Variants in LRP1B observed in about 807,000 individuals in gnomAD.
LRP1B encodes the protein LDL receptor related protein 1B.
Under a neutral mutation model 556.6 loss-of-function variants are expected in LRP1B, and 217 were observed. The ratio of observed to expected loss-of-function variants is 0.39; its 90% confidence interval spans 0.35 to 0.44. The LOEUF is 0.44. Among genes scored for constraint, LRP1B ranks in the 20% least tolerant of loss-of-function variants. The pLI is 1.00. For missense variants in LRP1B, 5,053 were observed against 5,620.8 expected (o/e 0.90, Z 3.23); for synonymous variants, 2,047 against 1,865.8 (o/e 1.10, Z -2.50).
intron 82 of LRP1B, among the ~76,000 whole-genome samples, chr2:140,316,578 T>A (rs1226591888): frequency 1.3e-5 from 2 of 152,056 alleles, no homozygotes; most frequent in Non-Finnish European, 2.9e-5. Context: ...ATATAAAAAA[T>A]TACAGTGGTA....
chr2:140,442,285 C>A (rs1686462861), intron 66 of LRP1B, among the ~76,000 whole-genome samples: 1 of 152,100 alleles, frequency 6.6e-6, no homozygotes, highest in African/African-American at 2.4e-5. Context: ...TTATAAAGTT[C>A]TGGGTTATAT....
rs188615583 is a variant in LRP1B, at chr2:140,966,300, G to A, written c.2888-14360C>T. ...TGGTTTTGATTTGCATTTCTCTGAT[G>A]GCCAGTGATGAGCATTTTTTCACAT... On this transcript the variant is annotated intron_variant, in intron 18 of 90. Coordinates refer to ENST00000389484, the MANE Select transcript of LRP1B (RefSeq NM_018557.3). 4.5e-3 allele frequency among the ~76,000 whole-genome samples: 689 copies of A among 152,278 alleles called. 2 individuals carry two copies. Among genetic ancestry groups the A allele is most frequent in the South Asian group, 7.2e-3 (35 of 4,830 alleles).
chr2:140,306,272 C>T (rs1393667433), intron 83 of LRP1B, among the ~76,000 whole-genome samples: 1 of 151,962 alleles, frequency 6.6e-6, no homozygotes, highest in Non-Finnish European at 1.5e-5. Context: ...GGCTGTGAAT[C>T]TGTCTGGTCC....
At chr2:140,615,499 A>T (rs1360114151) in intron 41 of LRP1B, among the ~76,000 whole-genome samples, 2 of 152,086 alleles carry the variant, frequency 1.3e-5, no homozygotes, top group Non-Finnish European at 2.9e-5. Flanking sequence ...CTATCTGTGC[A>T]GTGGGCAAGA....
In LRP1B at chr2:140,748,591, GTA is replaced by G. The variant is rs70988428; in HGVS notation, c.5758+20620_5758+20621del. ...AAACATAGTTATACATATACAGTGT[GTA>G]TATATATATATATATATATATATAT... On this transcript the variant is annotated intron_variant, in intron 35 of 90. Coordinates refer to ENST00000389484, the MANE Select transcript of LRP1B (RefSeq NM_018557.3). Among the ~76,000 whole-genome samples the G allele has an allele frequency of 6.8e-3, 501 of 73,308 alleles. 5 individuals carry two copies. Among genetic ancestry groups the G allele is most frequent in the Middle Eastern group, 0.033 (3 of 90 alleles). The allele number at this position is 73,308 out of a possible 152,430, so 48.1% of individuals were successfully genotyped here.
chr2:140,562,558 C>T (rs546925303), intron 43 of LRP1B, among the ~76,000 whole-genome samples: 26 of 152,070 alleles, frequency 1.7e-4, no homozygotes, highest in Non-Finnish European at 3.1e-4. Context: ...TAATAATTTT[C>T]TCTCTATATT....
intron 3 of LRP1B, among the ~76,000 whole-genome samples, chr2:141,350,389 A>T (rs550366292): frequency 1.3e-5 from 2 of 152,164 alleles, no homozygotes; most frequent in South Asian, 4.1e-4. Flanking sequence ...AGTAACTAGG[A>T]ACCAGAAAGT....
At chr2:141,781,101 A>G (rs1695237268) in intron 2 of LRP1B, among the ~76,000 whole-genome samples, 1 of 152,152 alleles carries the variant, frequency 6.6e-6, no homozygotes, top group African/African-American at 2.4e-5. Flanking sequence ...TTAAAAATCT[A>G]TTTCTGCCTA....
At chr2:141,139,652 A>C (rs1450321180) in intron 7 of LRP1B, among the ~76,000 whole-genome samples, 1 of 152,046 alleles carries the variant, frequency 6.6e-6, no homozygotes, top group African/African-American at 2.4e-5. Flanking sequence ...CAATACAATT[A>C]CATATCTATT....
chr2:140,502,931 G>T (rs1689259111), intron 54 of LRP1B, 32 bp downstream of exon 54: 1 of 1,605,000 alleles, frequency 6.2e-7, no homozygotes, highest in Non-Finnish European at 8.5e-7. Context: ...AAACACTTTA[G>T]AGTAAATGCG....
chr2:140,946,390 A>G (rs1695548471), intron 20 of LRP1B, among the ~76,000 whole-genome samples: 1 of 152,154 alleles, frequency 6.6e-6, no homozygotes, highest in Non-Finnish European at 1.5e-5. Flanking sequence ...ACCTGAAGTC[A>G]GGAGTTTGAG....
intron 13 of LRP1B, among the ~76,000 whole-genome samples, chr2:141,014,826 C>A (rs985530830): frequency 4.6e-5 from 7 of 152,048 alleles, no homozygotes; most frequent in Admixed American, 4.6e-4. Flanking sequence ...CAATGCCAAC[C>A]AATTGTACTT....
intron 1 of LRP1B, among the ~76,000 whole-genome samples, chr2:142,060,944 G>A (rs1286744186): frequency 1.3e-5 from 2 of 151,970 alleles, no homozygotes; most frequent in Non-Finnish European, 2.9e-5. Context: ...TAGATGACCA[G>A]GGAGGTGCTG....
chr2:140,757,213 A>AT (rs1688769462), intron 35 of LRP1B, among the ~76,000 whole-genome samples: 2 of 152,302 alleles, frequency 1.3e-5, no homozygotes, highest in South Asian at 4.1e-4. Context: ...GAATGCAAAT[A>AT]TTTCAACCAG....
intron 2 of LRP1B, among the ~76,000 whole-genome samples, chr2:141,723,483 A>G (rs1231010675): frequency 6.6e-6 from 1 of 151,750 alleles, no homozygotes; most frequent in Non-Finnish European, 1.5e-5. Context: ...CTGCATAAAT[A>G]ACATTCTTCA....
chr2:140,349,190 G>A (rs1317431917), intron 77 of LRP1B, among the ~76,000 whole-genome samples: 1 of 151,886 alleles, frequency 6.6e-6, no homozygotes, highest in East Asian at 1.9e-4. Context: ...CCCTGAACTA[G>A]AACCCTGAAC....
intron 37 of LRP1B, among the ~76,000 whole-genome samples, chr2:140,709,149 A>G (rs1268650227): frequency 6.6e-6 from 1 of 152,108 alleles, no homozygotes; most frequent in Admixed American, 6.6e-5. Context: ...AAAACTTTTC[A>G]GCACATTATT....
chr2:141,806,217 A>G (rs1438618268), intron 2 of LRP1B, among the ~76,000 whole-genome samples: 1 of 152,084 alleles, frequency 6.6e-6, no homozygotes, highest in Non-Finnish European at 1.5e-5. Flanking sequence ...TTTCAAGAAG[A>G]CGTTCCTGCT....
chr2:141,651,296 G>T (rs1689780446), intron 2 of LRP1B, among the ~76,000 whole-genome samples: 1 of 152,116 alleles, frequency 6.6e-6, no homozygotes, highest in African/African-American at 2.4e-5. Context: ...AGCAAGGATT[G>T]CCAGACAAAA....
Sources: gnomAD v4.1 joint callset for allele counts (sites outside exome capture counted in the v4.1 genomes callset) on GRCh38, gnomAD v4.1.1 for gene constraint, MANE v1.5 for transcripts, NCBI Gene and HGNC (gene_info 2026-07-23, HGNC 2026-07-21) for gene names.